The following TRIM24 variants were observed in gnomAD, a reference collection of about 807,000 sequenced individuals.
The protein encoded by TRIM24 is tripartite motif containing 24, also known as transcription intermediary factor 1-alpha.
TRIM24 carries 29 observed loss-of-function variants against 123.9 expected under a neutral mutation model. The ratio of observed to expected loss-of-function variants is 0.23; its 90% confidence interval spans 0.17 to 0.32. The LOEUF (loss-of-function observed/expected upper bound fraction) is 0.32. Among genes scored for constraint, TRIM24 ranks in the 10% least tolerant of loss-of-function variants. The pLI is 1.00. For synonymous variants in TRIM24, 456 were observed against 461.1 expected (o/e 0.99, Z 0.14); for missense variants, 932 against 1,295.3 (o/e 0.72, Z 4.31).
At chr7:138,486,639 A>T (rs1259088154) in intron 1 of TRIM24, among the ~76,000 whole-genome samples, 1 of 152,114 alleles carries the variant, frequency 6.6e-6, no homozygotes, top group Non-Finnish European at 1.5e-5. Flanking sequence ...CGAAGATCAG[A>T]TGGTTATAGA....
intron 4 of TRIM24, among the ~76,000 whole-genome samples, chr7:138,524,353 A>G (rs541845033): frequency 6.6e-6 from 1 of 152,150 alleles, no homozygotes; most frequent in South Asian, 2.1e-4. Flanking sequence ...GTAACCTTAT[A>G]TTAAATAAGG....
chr7:138,469,799 C>A (rs1023216507), intron 1 of TRIM24, among the ~76,000 whole-genome samples: 10 of 152,188 alleles, frequency 6.6e-5, no homozygotes, highest in Admixed American at 1.3e-4. Context: ...TAGTTTGTCA[C>A]AGTCACATGA....
chr7:138,483,356 T>C (rs535881484), intron 1 of TRIM24, among the ~76,000 whole-genome samples: 4 of 152,244 alleles, frequency 2.6e-5, no homozygotes, highest in Non-Finnish European at 5.9e-5. Context: ...ATAATGACAG[T>C]GTTTATTATT....
At chr7:138,579,589 T>A in intron 15 of TRIM24, 57 bp downstream of exon 15, 1 of 1,433,530 alleles carries the variant, frequency 7.0e-7, no homozygotes, top group Non-Finnish European at 9.5e-7. Flanking sequence ...AAGATTATTT[T>A]AACAGAAAGC....
chr7:138,570,351 G>A (rs1187034708), intron 10 of TRIM24, among the ~76,000 whole-genome samples: 4 of 152,068 alleles, frequency 2.6e-5, no homozygotes, highest in Non-Finnish European at 5.9e-5. Flanking sequence ...TATCTCAGCA[G>A]GAATGATAGT....
rs947253188 is a variant in TRIM24, at chr7:138,557,652, A to G, written c.1530+2686A>G. ...TTGGATTTTTGCAGTTATATCTTCA[A>G]TGACCTTTCCATTGTCATCAATTTC... On this transcript the variant is annotated intron_variant, in intron 9 of 18. Coordinates refer to ENST00000343526, the MANE Select transcript of TRIM24 (RefSeq NM_015905.3). Among the ~76,000 whole-genome samples, 33 of 152,216 alleles carry G rather than the reference A, an allele frequency of 2.2e-4. 1 individual carries two copies. Among genetic ancestry groups the G allele is most frequent in the African/African-American group, 6.3e-4 (26 of 41,444 alleles).
intron 1 of TRIM24, among the ~76,000 whole-genome samples, chr7:138,461,974 T>C (rs1423026596): frequency 6.6e-6 from 1 of 152,196 alleles, no homozygotes. Context: ...CAGTATCCAC[T>C]TGTAGGAGAC....
intron 1 of TRIM24, among the ~76,000 whole-genome samples, chr7:138,470,788 A>G (rs1439792420): frequency 6.6e-6 from 1 of 152,216 alleles, no homozygotes; most frequent in African/African-American, 2.4e-5. Context: ...ATTAGCTGAC[A>G]AGGGGATTAG....
chr7:138,470,793 G>T (rs1795257132), intron 1 of TRIM24, among the ~76,000 whole-genome samples: 1 of 152,204 alleles, frequency 6.6e-6, no homozygotes, highest in African/African-American at 2.4e-5. Flanking sequence ...CTGACAAGGG[G>T]ATTAGCTGGC....
chr7:138,463,989 C>CTTTTGTTTTTTTTTT (rs1795072496), intron 1 of TRIM24, among the ~76,000 whole-genome samples: 1 of 50,766 alleles, frequency 2.0e-5, no homozygotes, highest in Admixed American at 3.2e-4. Flanking sequence ...AAAATTTAGA[C>CTTTTGTTTTTTTTTT]TTTTTTTTTT....
intron 1 of TRIM24, among the ~76,000 whole-genome samples, chr7:138,476,200 A>G (rs140855463): frequency 6.6e-6 from 1 of 152,218 alleles, no homozygotes; most frequent in Admixed American, 6.5e-5. Flanking sequence ...TGAAAGGTAG[A>G]TCTTAGGGTC....
At chr7:138,574,824 G>T (rs916598345) in intron 12 of TRIM24, among the ~76,000 whole-genome samples, 1 of 152,044 alleles carries the variant, frequency 6.6e-6, no homozygotes, top group Non-Finnish European at 1.5e-5. Flanking sequence ...TAGGATATTT[G>T]CTTCAAGGGG....
chr7:138,476,957 T>C (rs1197348586), intron 1 of TRIM24, among the ~76,000 whole-genome samples: 5 of 152,058 alleles, frequency 3.3e-5, no homozygotes, highest in African/African-American at 1.2e-4. Flanking sequence ...AAAAAAGGAA[T>C]GAAAAAGATA....
intron 1 of TRIM24, among the ~76,000 whole-genome samples, chr7:138,465,114 A>G (rs542428946): frequency 4.6e-5 from 7 of 152,386 alleles, no homozygotes; most frequent in African/African-American, 1.2e-4. Context: ...GCAGAAAAGT[A>G]TAATTTATAA....
chr7:138,527,726 T>A (rs1317241422), intron 5 of TRIM24, among the ~76,000 whole-genome samples: 1 of 152,192 alleles, frequency 6.6e-6, no homozygotes, highest in Non-Finnish European at 1.5e-5. Context: ...CTCTGTTATT[T>A]TCTATAAGAT....
chr7:138,528,189 C>T (rs944287026), intron 5 of TRIM24, among the ~76,000 whole-genome samples: 2 of 152,184 alleles, frequency 1.3e-5, no homozygotes, highest in Non-Finnish European at 2.9e-5. Flanking sequence ...TCCAGGCCCG[C>T]CCAGGCATGT....
intron 1 of TRIM24, chr7:138,461,254 C>T: frequency 1.7e-6 from 1 of 590,100 alleles, no homozygotes; most frequent in Non-Finnish European, 3.3e-6. Context: ...TTGCCGGCTG[C>T]AGCCAGTTAA....
intron 17 of TRIM24, 50 bp from the exon 18 acceptor site, chr7:138,583,800 A>C (rs759751022): frequency 1.6e-6 from 2 of 1,275,496 alleles, no homozygotes. Context: ...TATATTTAGG[A>C]CAAGGTGGAA....
At chr7:138,504,261 A>T in intron 1 of TRIM24, 29 bp from the exon 2 acceptor site, 1 of 1,476,370 alleles carries the variant, frequency 6.8e-7, no homozygotes, top group Non-Finnish European at 9.2e-7. Context: ...TTTGTATTAA[A>T]ACTTAGAATA....
Sources: gnomAD v4.1 joint callset for allele counts (sites outside exome capture counted in the v4.1 genomes callset) on GRCh38, gnomAD v4.1.1 for gene constraint, MANE v1.5 for transcripts, NCBI Gene and HGNC (gene_info 2026-07-23, HGNC 2026-07-21) for gene names.